The following SLC25A10 variants were observed in gnomAD, a reference collection of about 807,000 sequenced individuals.
SLC25A10 encodes the protein mitochondrial dicarboxylate carrier.
A neutral mutation model predicts 40.4 loss-of-function variants in SLC25A10; 32 were observed. That is an observed-to-expected ratio of 0.79 (90% confidence interval 0.60 to 1.06). SLC25A10 has a LOEUF of 1.06. Ranked by LOEUF, SLC25A10 falls within the 50% of genes least tolerant of loss-of-function variation. SLC25A10 has a pLI of 0.00. For missense variants in SLC25A10, 394 were observed against 402.6 expected (o/e 0.98, Z 0.18); for synonymous variants, 181 against 171.1 (o/e 1.06, Z -0.45).
intron 3 of SLC25A10, 34 bp downstream of exon 3, chr17:81,715,626 G>C: frequency 6.2e-7 from 1 of 1,611,852 alleles, no homozygotes; most frequent in Admixed American, 1.7e-5. Context: ...AGGGGCGCGG[G>C]GTGGTCAGGT....
intron 1 of SLC25A10, among the ~76,000 whole-genome samples, chr17:81,712,833 C>T (rs922170472): frequency 1.3e-5 from 2 of 152,268 alleles, no homozygotes; most frequent in Admixed American, 1.3e-4. Flanking sequence ...CACTTGGCCT[C>T]TCTGAGCCAC....
In SLC25A10 at chr17:81,720,712, C is replaced by T. The variant is rs554413321; in HGVS notation, c.*635C>T. The stretch of plus-strand genomic sequence containing the variant: ...CGAGGGCCACCGAGGTCCCGCGCAC[C>T]GCTGCCTGCCCTGCAGTGGCTTTAA... On this transcript the variant is annotated 3_prime_UTR_variant, in exon 11 of 11. Coordinates refer to ENST00000350690, the MANE Select transcript of SLC25A10 (RefSeq NM_012140.5). The T allele has an allele frequency of 5.7e-5, 23 of 405,738 alleles. No individual in the cohort carries two copies. Among genetic ancestry groups the T allele is most frequent in the East Asian group, 1.8e-4 (5 of 27,788 alleles). 25.1% of individuals were successfully genotyped at this position (405,738 alleles called of 1,614,324 possible).
chr17:81,716,103 G>T, intron 5 of SLC25A10, 53 bp downstream of exon 5: 1 of 1,552,612 alleles, frequency 6.4e-7, no homozygotes, highest in South Asian at 1.2e-5. Context: ...GGCTCGGGCG[G>T]GAGCGGACCC....
At chr17:81,716,305 G>A (rs916165289) in intron 5 of SLC25A10, among the ~76,000 whole-genome samples, 4 of 152,168 alleles carry the variant, frequency 2.6e-5, no homozygotes, top group Non-Finnish European at 4.4e-5. Context: ...TGGTGAGTGC[G>A]GAGGCGAACG....
intron 5 of SLC25A10, among the ~76,000 whole-genome samples, chr17:81,716,362 C>T (rs2037485865): frequency 1.3e-5 from 2 of 152,194 alleles, no homozygotes; most frequent in African/African-American, 4.8e-5. Flanking sequence ...CCGAAGGAGG[C>T]GCTGCCTCCC....
chr17:81,720,176 C>T lies in SLC25A10; in HGVS notation c.*99C>T. On this transcript the variant is annotated 3_prime_UTR_variant, in exon 11 of 11. Coordinates refer to ENST00000350690, the MANE Select transcript of SLC25A10 (RefSeq NM_012140.5). ...GCTCCTGGGGCCACGACCTCCCTGG[C>T]CGTGGCCACCCGTCCTCCGCAGCAG... 8.5e-6 allele frequency: 13 copies of T among 1,537,496 alleles called. No homozygotes were observed. In the South Asian group the frequency reaches 1.5e-4, roughly 17 times the overall value.
chr17:81,716,849 C>G lies in SLC25A10; in HGVS notation c.457C>G (p.Arg153Gly), dbSNP rs193236167. The change falls in exon 6 of 11, where the codon CGT becomes GGT. Residue 153 changes from arginine (R) to glycine (G), a missense_variant. Arg to Gly is a moderately radical substitution (Grantham distance 125, BLOSUM62 -2). Coordinates refer to ENST00000350690, the MANE Select transcript of SLC25A10 (RefSeq NM_012140.5). The stretch of plus-strand genomic sequence containing the variant: ...GCTGGATGGCCTGTACCGCGTAGCT[C>G]GTGAAGGTGAGGGGCAGGTGCTGTG... ...HALDGLYRVAREEGLRRLFSG... is the reference protein window; with the variant it reads ...HALDGLYRVAGEEGLRRLFSG... The G allele has an allele frequency of 6.4e-5, 103 of 1,611,018 alleles. No homozygotes were observed. Among genetic ancestry groups the G allele is most frequent in the Non-Finnish European group, 8.5e-5 (100 of 1,178,944 alleles).
Position 81,717,601 on chromosome 17 carries a change from G to T in SLC25A10, c.627+110G>T, listed in dbSNP as rs2037513451. Reference sequence around the variant, plus strand: ...AGGCGGGGGCCTTGGGCATCTGGCAGTGCCCCCTGGGGCTCATAAGTGGGG... The same window carrying T: ...AGGCGGGGGCCTTGGGCATCTGGCATTGCCCCCTGGGGCTCATAAGTGGGG... On this transcript the variant is annotated intron_variant, in intron 8 of 10. Transcript: ENST00000350690. 6 of 1,371,112 alleles carry T rather than the reference G, an allele frequency of 4.4e-6. No homozygotes were observed. In the Admixed American group the frequency reaches 1.1e-4, roughly 24 times the overall value. The allele number at this position is 1,371,112 out of a possible 1,614,324, so 84.9% of individuals were successfully genotyped here.
chr17:81,716,136 GCTGAGGCTCCAGCAGGCCGAGGTGC>G, intron 5 of SLC25A10, 86 bp downstream of exon 5: 1 of 1,451,404 alleles, frequency 6.9e-7, no homozygotes, highest in Non-Finnish European at 9.4e-7. Flanking sequence ...CCGTGACCCA[GCTGAGGCTCCAGCAGGCCGAGGTGC>G]CTGCACGGTC....
chr17:81,716,634 G>T (rs1455557617), intron 5 of SLC25A10, 178 bp from the exon 6 acceptor site: 2 of 633,062 alleles, frequency 3.2e-6, no homozygotes, highest in South Asian at 1.9e-5. Context: ...GCCGGGCGGG[G>T]CGGGCGAGGT....
intron 9 of SLC25A10, among the ~76,000 whole-genome samples, chr17:81,718,400 G>A (rs561664363): frequency 3.6e-4 from 55 of 152,000 alleles, no homozygotes; most frequent in Middle Eastern, 3.4e-3. Flanking sequence ...CAGGAGAATC[G>A]CTTGAACCTG....
chr17:81,718,436 G>A (rs2037528268), intron 9 of SLC25A10, among the ~76,000 whole-genome samples: 1 of 151,184 alleles, frequency 6.6e-6, no homozygotes, highest in African/African-American at 2.4e-5. Flanking sequence ...AGTGAGCCGA[G>A]ATCACACCAT....
intron 9 of SLC25A10, 104 bp downstream of exon 9, chr17:81,717,965 C>T (rs566133041): frequency 6.0e-6 from 5 of 830,312 alleles, no homozygotes; most frequent in Non-Finnish European, 9.9e-6. Context: ...AAGGGTGTCC[C>T]TCCCTTCTAG....
chr17:81,717,927 G>T, intron 9 of SLC25A10, 66 bp downstream of exon 9: 2 of 1,284,052 alleles, frequency 1.6e-6, no homozygotes, highest in Non-Finnish European at 2.2e-6. Context: ...CTCTCCGGGG[G>T]GTGGACACTC....
At position 81,720,761 on chromosome 17, in the gene SLC25A10, C is replaced by T. The variant is rs1019725366; in HGVS notation, c.*684C>T. 2 of 352,846 alleles carry T rather than the reference C, an allele frequency of 5.7e-6. No individual in the cohort carries two copies. Among genetic ancestry groups the T allele is most frequent in the African/African-American group, 4.2e-5 (2 of 47,554 alleles). The allele number at this position is 352,846 out of a possible 1,614,324, so 21.9% of individuals were successfully genotyped here. A position where few individuals can be genotyped will look rare whatever the true frequency, so the allele number is the denominator to read the frequency against. ...AACAGTTAGTTTTGCCAAAGCCTCTCCACTCACCAGCAGGCGGTCTCTGTC... is the reference window on the plus strand; with the variant it reads ...AACAGTTAGTTTTGCCAAAGCCTCTTCACTCACCAGCAGGCGGTCTCTGTC... On this transcript the variant is annotated 3_prime_UTR_variant, in exon 11 of 11. Coordinates refer to ENST00000350690, the MANE Select transcript of SLC25A10 (RefSeq NM_012140.5).
At position 81,712,403 on chromosome 17, in the gene SLC25A10, G is replaced by T; in HGVS notation, c.-24G>T. 1 of 1,263,234 alleles carries T rather than the reference G, an allele frequency of 7.9e-7. No homozygotes were observed. Among genetic ancestry groups the T allele is most frequent in the Non-Finnish European group, 1.0e-6 (1 of 1,002,498 alleles). The allele number at this position is 1,263,234 out of a possible 1,614,324, so 78.3% of individuals were successfully genotyped here. A position where few individuals can be genotyped will look rare whatever the true frequency, so the allele number is the denominator to read the frequency against. On this transcript the variant is annotated 5_prime_UTR_variant, in exon 1 of 11. Transcript: ENST00000350690. Reference sequence around the variant, plus strand: ...AGGGCCGGGGTCGGGTTGTGGTCGGGCCGGGATTGGGCTCTCCTGGGCCAT... The same window carrying T: ...AGGGCCGGGGTCGGGTTGTGGTCGGTCCGGGATTGGGCTCTCCTGGGCCAT...
Position 81,715,482 on chromosome 17 carries a change from C to T in SLC25A10, c.218C>T (p.Thr73Ile), listed in dbSNP as rs1055159880. ...AGCCAGGCCCTTCTCCCCCAGATGACCTACTCCCTGACTCGGTTCGCCATC... is the reference window on the plus strand; with the variant it reads ...AGCCAGGCCCTTCTCCCCCAGATGATCTACTCCCTGACTCGGTTCGCCATC... Reference protein sequence around the residue: ...GLSASLCRQMTYSLTRFAIYE... With the variant: ...GLSASLCRQMIYSLTRFAIYE... The change falls in exon 3 of 11, where the codon ACC becomes ATC. Residue 73 changes from threonine (T) to isoleucine (I), a missense_variant. Transcript: ENST00000350690. 6.2e-7 allele frequency: 1 copy of T among 1,612,368 alleles called. No individual in the cohort carries two copies. Among genetic ancestry groups the T allele is most frequent in the Non-Finnish European group, 8.5e-7 (1 of 1,179,508 alleles).
At chr17:81,714,357 GGCTGACA>G (rs2037438406) in intron 1 of SLC25A10, among the ~76,000 whole-genome samples, 1 of 152,312 alleles carries the variant, frequency 6.6e-6, no homozygotes, top group African/African-American at 2.4e-5. Flanking sequence ...GAGGTTGTCG[GGCTGACA>G]GCCCCCGAGT....
chr17:81,714,803 T>G, intron 1 of SLC25A10, 150 bp from the exon 2 acceptor site: 35 of 1,029,868 alleles, frequency 3.4e-5, no homozygotes, highest in Non-Finnish European at 4.6e-5. Context: ...AGCAGTGGTG[T>G]GAGCTGGTTC....
Sources: allele counts gnomAD v4.1 joint callset (sites outside exome capture counted in the v4.1 genomes callset), GRCh38; gene constraint gnomAD v4.1.1; transcripts MANE v1.5; gene names NCBI Gene and HGNC (gene_info 2026-07-23, HGNC 2026-07-21).